POLQ: variants seen among roughly 807,000 people sequenced by gnomAD.
The protein encoded by POLQ is DNA polymerase theta, also known as epididymis secretory sperm binding protein.
Under a neutral mutation model 259.2 loss-of-function variants are expected in POLQ, and 233 were observed. The observed-to-expected ratio is 0.90, with a 90% confidence interval of 0.81 to 1.00. The LOEUF (loss-of-function observed/expected upper bound fraction) is 1.00. Ranked by LOEUF, POLQ falls within the 50% of genes least tolerant of loss-of-function variation. POLQ has a pLI of 0.00. For missense variants in POLQ, 2,871 were observed against 3,051.6 expected (o/e 0.94, Z 1.39); for synonymous variants, 1,025 against 1,048.8 (o/e 0.98, Z 0.44).
rs765425231 is a variant in POLQ, at chr3:121,472,080, C to T, written c.6628G>A (p.Val2210Met). Reference protein sequence around the residue: ...WRRITNAITKVVFPLQREKCL... With the variant: ...WRRITNAITKMVFPLQREKCL... Reference sequence around the variant, plus strand: ...TTTTCCCGCTGAAGGGGAAAGACCACTTTGGTAATAGCATTAGTGATTCTT... The same window carrying T: ...TTTTCCCGCTGAAGGGGAAAGACCATTTTGGTAATAGCATTAGTGATTCTT... The change falls in exon 22 of 30, where the codon GTG (valine) becomes ATG (methionine). Residue 2210 changes from valine (V) to methionine (M), a missense_variant. Transcript: ENST00000264233. 5.7e-6 allele frequency: 9 copies of T among 1,579,632 alleles called. No homozygotes were observed. The highest frequency in any genetic ancestry group is 5.2e-6 in the Non-Finnish European group (6 of 1,152,544).
In POLQ at chr3:121,498,584, C is replaced by A. The variant is rs200098018; in HGVS notation, c.2046G>T (p.Arg682Ser). The A allele has an allele frequency of 5.6e-6, 9 of 1,614,012 alleles. No homozygotes were observed. The highest frequency in any genetic ancestry group is 7.6e-6 in the Non-Finnish European group (9 of 1,179,902). The change falls in exon 13 of 30, where the codon AGG becomes AGT. Residue 682 changes from arginine (R) to serine (S), a missense_variant. Physicochemically the swap from Arg to Ser is moderately radical, Grantham distance 110. Coordinates refer to ENST00000264233, the MANE Select transcript of POLQ (RefSeq NM_199420.4). ...LWEKLPTSMK[R>S]VAELVGVEEG... is the part of the protein sequence containing the mutation. Reference sequence around the variant, plus strand: ...CTTCAACTCCCACTAGCTCTGCCACCCTTTTCATTGAAGTTGGCAACTTCT... The same window carrying A: ...CTTCAACTCCCACTAGCTCTGCCACACTTTTCATTGAAGTTGGCAACTTCT...
At chr3:121,538,876 C>T (rs1246900965) in intron 4 of POLQ, among the ~76,000 whole-genome samples, 4 of 152,142 alleles carry the variant, frequency 2.6e-5, no homozygotes, top group African/African-American at 9.7e-5. Flanking sequence ...CTTGCTACTT[C>T]TGCTGCTGCA....
chr3:121,450,363 ATTAT>A (rs898967544), intron 25 of POLQ, among the ~76,000 whole-genome samples: 20 of 150,568 alleles, frequency 1.3e-4, no homozygotes, highest in African/African-American at 2.2e-4. Context: ...TCGCTTTTTT[ATTAT>A]TTATTTATTT....
rs760150320 is a variant in POLQ at position 121,468,429 on chromosome 3, GTCCTAAAATCAAGCAGAATAAAGACA to G, written c.6719-24_6720del. The stretch of plus-strand genomic sequence containing the variant: ...ATATTTGGTTCTGTAAAGGTTATTC[GTCCTAAAATCAAGCAGAATAAAGACA>G]TAAAATCAGGAAAAAAAATCTAGTA... On this transcript the variant is annotated splice_acceptor_variant and splice_polypyrimidine_tract_variant and coding_sequence_variant and intron_variant, in exon 23 of 30. Transcript: ENST00000264233. LOFTEE classifies it high-confidence loss of function. 4 of 1,604,302 alleles carry G rather than the reference GTCCTAAAATCAAGCAGAATAAAGACA, an allele frequency of 2.5e-6. No individual in the cohort carries two copies. The East Asian group carries it at 8.9e-5, about 36-fold the overall frequency.
intron 24 of POLQ, 42 bp downstream of exon 24, chr3:121,467,477 T>C: frequency 6.2e-7 from 1 of 1,600,494 alleles, no homozygotes; most frequent in Non-Finnish European, 8.5e-7. Context: ...TGAAAAACAT[T>C]CTCACAGCAA....
chr3:121,536,752 C>T (rs1204581199), intron 5 of POLQ, among the ~76,000 whole-genome samples: 1 of 152,148 alleles, frequency 6.6e-6, no homozygotes, highest in Non-Finnish European at 1.5e-5. Context: ...TTAAGTAATC[C>T]TCCTGCCTCA....
At chr3:121,467,670 C>T (rs913092641) in intron 23 of POLQ, 30 bp from the exon 24 acceptor site, 14 of 1,607,774 alleles carry the variant, frequency 8.7e-6, no homozygotes, top group Non-Finnish European at 1.2e-5. Context: ...ATCAGTTAGA[C>T]ATGAAGCAGT....
At chr3:121,521,294 G>GTA (rs1194321103) in intron 8 of POLQ, among the ~76,000 whole-genome samples, 1 of 152,112 alleles carries the variant, frequency 6.6e-6, no homozygotes, top group Non-Finnish European at 1.5e-5. Context: ...AAAGAACATA[G>GTA]TATATAGAGG....
Position 121,472,143 on chromosome 3 carries a change from C to T in POLQ, c.6565G>A (p.Ala2189Thr). 1 of 1,498,252 alleles carries T rather than the reference C, an allele frequency of 6.7e-7. No individual in the cohort carries two copies. The highest frequency in any genetic ancestry group is 9.1e-7 in the Non-Finnish European group (1 of 1,103,074). 92.8% of individuals were successfully genotyped at this position (1,498,252 alleles called of 1,614,324 possible). Residue 2189 changes from alanine (A) to threonine (T), a missense_variant, in exon 22 of 30, where the codon GCA (alanine) becomes ACA (threonine). Ala to Thr is a moderately conservative substitution (Grantham distance 58). Around this residue, in one of 3 missense-constraint regions of POLQ, gnomAD observed 2,080 missense variants for 2,126.0 expected, o/e 0.98. Transcript: ENST00000264233. ...TSKDVLNKLKALHPLPGLILE... is the reference protein window; with the variant it reads ...TSKDVLNKLKTLHPLPGLILE... ...ATCAAGCCTGGTAAAGGATGTAATGCCTTTAATTTATTTAAAACGTCCTGC... is the reference window on the plus strand; with the variant it reads ...ATCAAGCCTGGTAAAGGATGTAATGTCTTTAATTTATTTAAAACGTCCTGC...
intron 26 of POLQ, among the ~76,000 whole-genome samples, chr3:121,448,846 G>T (rs1009476755): frequency 6.6e-6 from 1 of 151,902 alleles, no homozygotes; most frequent in Non-Finnish European, 1.5e-5. Context: ...CCTTTTTCAG[G>T]GTGAATCTAA....
At chr3:121,462,734 T>C (rs990736518) in intron 24 of POLQ, among the ~76,000 whole-genome samples, 2 of 152,318 alleles carry the variant, frequency 1.3e-5, no homozygotes, top group Middle Eastern at 6.8e-3. Context: ...AGAAGAGATC[T>C]TGTTAAACAA....
rs187490711 is a variant in POLQ at position 121,450,702 on chromosome 3, C to G, written c.7153-1276G>C. On this transcript the variant is annotated intron_variant, in intron 25 of 29. Transcript: ENST00000264233. ...TCCCTTTGTGGGTAACCCGACCTTTCTCTCTGGCTGCCCTTAACATTTTTT... is the reference window on the plus strand; with the variant it reads ...TCCCTTTGTGGGTAACCCGACCTTTGTCTCTGGCTGCCCTTAACATTTTTT... Among the ~76,000 whole-genome samples the G allele has an allele frequency of 4.1e-3, 626 of 152,198 alleles. 1 individual carries two copies. The highest frequency in any genetic ancestry group is 0.014 in the African/African-American group (567 of 41,528).
chr3:121,488,513 CCTT>C lies in POLQ; in HGVS notation c.4415_4417del (p.Glu1472del). 1 of 1,609,292 alleles carries C rather than the reference CCTT, an allele frequency of 6.2e-7. No individual in the cohort carries two copies. Among genetic ancestry groups the C allele is most frequent in the African/African-American group, 1.3e-5 (1 of 74,718 alleles). ...TGTTTCAGGAACTGGAAGACATTCT[CCTT>C]CTACACCAGTGGGAGTTCTCTTTTG... On this transcript the variant is annotated inframe_deletion, in exon 16 of 30. Coordinates refer to ENST00000264233, the MANE Select transcript of POLQ (RefSeq NM_199420.4).
At chr3:121,529,598 A>G in intron 7 of POLQ, 47 bp downstream of exon 7, 1 of 1,570,286 alleles carries the variant, frequency 6.4e-7, no homozygotes, top group Non-Finnish European at 8.7e-7. Context: ...ATTACTTTCA[A>G]GCAAATGTAC....
chr3:121,469,646 C>T (rs1224289242), intron 22 of POLQ, among the ~76,000 whole-genome samples: 3 of 152,068 alleles, frequency 2.0e-5, no homozygotes, highest in Non-Finnish European at 4.4e-5. Context: ...ACATTGTCTT[C>T]TTTTCTATAA....
rs769725108 is a variant in POLQ, at chr3:121,533,210, C to A, written c.741-1G>T. 5.2e-6 allele frequency: 8 copies of A among 1,547,902 alleles called. No homozygotes were observed. In the East Asian group the frequency reaches 1.6e-4, roughly 31 times the overall value. ...CAGAGAACTGGCTAGATCTGCCTGA[C>A]TGTAAAAAAACAAATGAAAAGAACA... On this transcript the variant is annotated splice_acceptor_variant, in intron 5 of 29. Coordinates refer to ENST00000264233, the MANE Select transcript of POLQ (RefSeq NM_199420.4). LOFTEE classifies it high-confidence loss of function.
At chr3:121,512,125 G>A in intron 9 of POLQ, 96 bp from the exon 10 acceptor site, 1 of 999,094 alleles carries the variant, frequency 1.0e-6, no homozygotes, top group South Asian at 1.7e-5. Flanking sequence ...CTTAAAAGCA[G>A]ACAAGAGATG....
Position 121,476,640 on chromosome 3 carries a change from T to C in POLQ, c.6305A>G (p.Gln2102Arg). ...IGFSTAECES[Q>R]KHIMQAKLDA... ...CAGCTTGGCTTGCATTATATGTTTC[T>C]GACTTTCACATTCTGCAGTACTAAA... The change falls in exon 20 of 30, where the codon CAG becomes CGG. Residue 2102 changes from glutamine to arginine, a missense_variant. Transcript: ENST00000264233. The C allele has an allele frequency of 6.2e-7, 1 of 1,613,912 alleles. No homozygotes were observed. Among genetic ancestry groups the C allele is most frequent in the East Asian group, 2.2e-5 (1 of 44,888 alleles).
In POLQ at chr3:121,496,962, G is replaced by C. The variant is rs1576417633; in HGVS notation, c.2154-30C>G. 5 of 1,609,544 alleles carry C rather than the reference G, an allele frequency of 3.1e-6. No homozygotes were observed. In the East Asian group the frequency reaches 1.1e-4, roughly 36 times the overall value. On this transcript the variant is annotated intron_variant, in intron 13 of 29. Coordinates refer to ENST00000264233, the MANE Select transcript of POLQ (RefSeq NM_199420.4). Reference sequence around the variant, plus strand: ...GAATAAATCATCAAAAGCGTGGTAAGAGATCCTTCACGTCTACTAGGCGAT... The same window carrying C: ...GAATAAATCATCAAAAGCGTGGTAACAGATCCTTCACGTCTACTAGGCGAT...
Sources: gnomAD v4.1 joint callset for allele counts (sites outside exome capture counted in the v4.1 genomes callset) on GRCh38, gnomAD v4.1.1 for gene constraint, gnomAD v4.1.1 regional missense constraint, MANE v1.5 for transcripts, NCBI Gene and HGNC (gene_info 2026-07-23, HGNC 2026-07-21) for gene names.